Variants in CABIN1 observed in about 807,000 individuals in gnomAD.
The protein encoded by CABIN1 is calcineurin-binding protein cabin-1.
CABIN1 carries 133 observed loss-of-function variants against 227.7 expected under a neutral mutation model. That is an observed-to-expected ratio of 0.58 (90% confidence interval 0.51 to 0.67). CABIN1 has a LOEUF of 0.67. Ranked by LOEUF, CABIN1 falls within the 30% of genes least tolerant of loss-of-function variation. CABIN1 has a pLI of 0.00. For missense variants in CABIN1, 2,408 were observed against 2,852.5 expected, an observed-to-expected ratio of 0.84 and a Z score of 3.55; for synonymous variants, 1,086 against 1,155.1, an observed-to-expected ratio of 0.94 and a Z score of 1.21.
intron 29 of CABIN1, among the ~76,000 whole-genome samples, chr22:24,136,739 GCACACACACACACA>G (rs200091743): frequency 2.1e-5 from 3 of 139,654 alleles, no homozygotes; most frequent in African/African-American, 7.9e-5. Flanking sequence ...ACACACACAC[GCACACACACACACA>G]CACACACACA....
chr22:24,164,299 C>G, intron 29 of CABIN1, 101 bp from the exon 30 acceptor site: 8 of 1,469,440 alleles, frequency 5.4e-6, no homozygotes, highest in Non-Finnish European at 9.4e-7. Context: ...GGCAGTGTCC[C>G]CTTTGGCACT....
intron 27 of CABIN1, among the ~76,000 whole-genome samples, chr22:24,116,021 A>G (rs2043064757): frequency 6.6e-6 from 1 of 152,200 alleles, no homozygotes; most frequent in African/African-American, 2.4e-5. Flanking sequence ...CACCGTGTCT[A>G]GCAGGCACAA....
intron 29 of CABIN1, among the ~76,000 whole-genome samples, chr22:24,159,335 T>A (rs1375223740): frequency 1.3e-5 from 2 of 152,232 alleles, no homozygotes; most frequent in African/African-American, 4.8e-5. Flanking sequence ...CTGCAGGCAG[T>A]GCCTGACCAG....
chr22:24,065,299 G>T (rs1341284802), intron 15 of CABIN1, among the ~76,000 whole-genome samples: 3 of 150,790 alleles, frequency 2.0e-5, no homozygotes, highest in African/African-American at 7.3e-5. Context: ...CGGGGCGGCC[G>T]GGCAGAGACG....
At chr22:24,086,882 C>A (rs538159650) in intron 22 of CABIN1, among the ~76,000 whole-genome samples, 2 of 152,270 alleles carry the variant, frequency 1.3e-5, no homozygotes, top group South Asian at 4.1e-4. Context: ...AGGATCTGCT[C>A]AGGGTCCCAG....
intron 33 of CABIN1, among the ~76,000 whole-genome samples, chr22:24,170,920 A>G (rs1354086778): frequency 6.6e-6 from 1 of 152,184 alleles, no homozygotes; most frequent in Non-Finnish European, 1.5e-5. Flanking sequence ...TCCTCTGCTC[A>G]GCTGTGAGAG....
chr22:24,039,012 C>G (rs1156543313), intron 4 of CABIN1, among the ~76,000 whole-genome samples: 1 of 152,154 alleles, frequency 6.6e-6, no homozygotes, highest in Non-Finnish European at 1.5e-5. Flanking sequence ...AGAGCAAGAC[C>G]TGGTCCCAGC....
In CABIN1 at chr22:24,067,116, C is replaced by T. The variant is rs768797838; in HGVS notation, c.2167C>T (p.Arg723Trp). 4 of 1,614,230 alleles carry T rather than the reference C, an allele frequency of 2.5e-6. No homozygotes were observed. Among genetic ancestry groups the T allele is most frequent in the Admixed American group, 1.7e-5 (1 of 60,026 alleles). ...CACTTTGTGCACCAGTGGGTTTGAC[C>T]GGGCCAAACACCTGGAGTTTATGAC... ...RPTLCTSGFD[R>W]AKHLEFMTSI... Residue 723 changes from arginine (R) to tryptophan (W), a missense_variant, in exon 16 of 37, where the codon CGG (arginine) becomes TGG (tryptophan). Physicochemically the swap from Arg to Trp is moderately radical, Grantham distance 101 (BLOSUM62 -3). This residue lies in a region of CABIN1 where 1,045 missense variants were observed against 1,168.4 expected (regional missense o/e 0.89). Transcript: ENST00000263119.
At position 24,111,581 on chromosome 22, in the gene CABIN1, G is replaced by A. The variant is rs532173236; in HGVS notation, c.4118-1985G>A. Among the ~76,000 whole-genome samples the A allele has an allele frequency of 5.4e-4, 83 of 152,306 alleles. 1 individual carries two copies. The South Asian group carries it at 0.016, about 30-fold the overall frequency. The stretch of plus-strand genomic sequence containing the variant: ...GTGGAAAATTGTCTTCCATGAAACT[G>A]GCCCCTGGTGCCAAAAAGGTTGGGG... On this transcript the variant is annotated intron_variant, in intron 26 of 36. Coordinates refer to ENST00000263119, the MANE Select transcript of CABIN1 (RefSeq NM_012295.4).
rs535352047 is a variant in CABIN1, at chr22:24,048,888, A to G, written c.527-203A>G. 2.6e-5 allele frequency among the ~76,000 whole-genome samples: 4 copies of G among 152,268 alleles called. No homozygotes were observed. In the East Asian group the frequency reaches 7.7e-4, roughly 29 times the overall value. The stretch of plus-strand genomic sequence containing the variant: ...ATCCTACGGTCTGTCCTCTGCCAGA[A>G]TCTTTGGGTCTGCTCACCTTGCAGT... On this transcript the variant is annotated intron_variant, in intron 6 of 36. Transcript: ENST00000263119.
At chr22:24,019,662 T>TC (rs1286054911) in intron 1 of CABIN1, among the ~76,000 whole-genome samples, 2 of 144,166 alleles carry the variant, frequency 1.4e-5, no homozygotes, top group East Asian at 4.0e-4. Flanking sequence ...TTTTTTTTTT[T>TC]TTTTTTTTTT....
chr22:24,087,960 A>G (rs897870852), intron 23 of CABIN1, among the ~76,000 whole-genome samples: 2 of 152,196 alleles, frequency 1.3e-5, no homozygotes, highest in African/African-American at 4.8e-5. Flanking sequence ...CTGGTCAGCC[A>G]TTAGTTATAG....
intron 29 of CABIN1, among the ~76,000 whole-genome samples, chr22:24,155,494 G>A (rs775352968): frequency 2.0e-5 from 3 of 152,064 alleles, no homozygotes; most frequent in Non-Finnish European, 4.4e-5. Flanking sequence ...GGAAGATGAG[G>A]CCCCTTCCAG....
At chr22:24,036,891 G>C (rs1056136042) in intron 3 of CABIN1, among the ~76,000 whole-genome samples, 1 of 152,070 alleles carries the variant, frequency 6.6e-6, no homozygotes, top group African/African-American at 2.4e-5. Flanking sequence ...CCTACCCAGT[G>C]CCCCCTCCCT....
chr22:24,112,184 G>C (rs1315927632), intron 26 of CABIN1, among the ~76,000 whole-genome samples: 1 of 152,022 alleles, frequency 6.6e-6, no homozygotes, highest in African/African-American at 2.4e-5. Flanking sequence ...TTTTTACATT[G>C]AATACCAGAT....
At chr22:24,132,984 G>C (rs2044163528) in intron 28 of CABIN1, among the ~76,000 whole-genome samples, 1 of 152,218 alleles carries the variant, frequency 6.6e-6, no homozygotes, top group South Asian at 2.1e-4. Context: ...TGTTTTCTGT[G>C]AGTTTGAGCA....
intron 1 of CABIN1, among the ~76,000 whole-genome samples, chr22:24,012,547 C>G (rs1396864376): frequency 2.0e-5 from 3 of 152,128 alleles, no homozygotes; most frequent in Admixed American, 6.5e-5. Context: ...CAGGAAACAT[C>G]CCCAGTTATC....
intron 20 of CABIN1, among the ~76,000 whole-genome samples, chr22:24,083,751 G>A (rs915856941): frequency 1.3e-5 from 2 of 152,154 alleles, no homozygotes; most frequent in South Asian, 2.1e-4. Flanking sequence ...GCAGAGCAAG[G>A]CCCCATCTCT....
chr22:24,055,917 G>A (rs1350899308), intron 9 of CABIN1, among the ~76,000 whole-genome samples: 2 of 152,198 alleles, frequency 1.3e-5, no homozygotes, highest in African/African-American at 4.8e-5. Flanking sequence ...TGAGGGGATG[G>A]GAGGGTAAGG....
Sources: allele counts gnomAD v4.1 joint callset (sites outside exome capture counted in the v4.1 genomes callset), GRCh38; gene constraint gnomAD v4.1.1; regional missense constraint gnomAD v4.1.1; transcripts MANE v1.5; gene names NCBI Gene and HGNC (gene_info 2026-07-23, HGNC 2026-07-21).